Variants in AIFM3 observed in about 807,000 individuals in gnomAD.
AIFM3 encodes the protein apoptosis-inducing factor 3.
Under a neutral mutation model 82.7 loss-of-function variants are expected in AIFM3, and 71 were observed. The observed-to-expected ratio is 0.86, with a 90% CI of 0.71 to 1.05. The LOEUF (loss-of-function observed/expected upper bound fraction) is 1.05, where lower values mean the gene tolerates loss of function less well. Among genes scored for constraint, AIFM3 ranks in the 50% least tolerant of loss-of-function variants. AIFM3 has a pLI of 0.00. For synonymous variants in AIFM3, 337 were observed against 329.1 expected (o/e 1.02, Z -0.26); for missense variants, 748 against 816.7 (o/e 0.92, Z 1.03).
chr22:20,972,176 G>A (rs1465075129), intron 2 of AIFM3, among the ~76,000 whole-genome samples: 7 of 152,134 alleles, frequency 4.6e-5, no homozygotes, highest in African/African-American at 1.2e-4. Context: ...AGGCCGAAGC[G>A]GGTGGATCAC....
At chr22:20,980,155 G>GGAGTA in intron 19 of AIFM3, 31 bp downstream of exon 19, 2 of 1,595,702 alleles carry the variant, frequency 1.3e-6, no homozygotes, top group Non-Finnish European at 8.5e-7. Context: ...CCTGGGGGTG[G>GGAGTA]GAGTAGTTCC....
chr22:20,968,672 C>T (rs540376426), intron 2 of AIFM3, among the ~76,000 whole-genome samples: 151 of 152,146 alleles, frequency 9.9e-4, no homozygotes, highest in Non-Finnish European at 1.9e-3. Context: ...CCCACTTTCC[C>T]TCTTCTCTCC....
At chr22:20,972,923 T>G (rs547838828) in intron 2 of AIFM3, among the ~76,000 whole-genome samples, 47 of 151,912 alleles carry the variant, frequency 3.1e-4, no homozygotes, top group Non-Finnish European at 6.0e-4. Context: ...GGTATGCACA[T>G]GAAGTCCCAG....
In AIFM3 at chr22:20,974,083, G is replaced by T; in HGVS notation, c.376G>T (p.Val126Leu). The T allele has an allele frequency of 6.2e-7, 1 of 1,610,966 alleles. No homozygotes were observed. The highest frequency in any genetic ancestry group is 8.5e-7 in the Non-Finnish European group (1 of 1,179,586). ...LVKGVLSRGR[V>L]RCPWHGACFN... Reference sequence around the variant, plus strand: ...CCCAGGCGTTCTGTCCCGTGGTCGGGTGCGCTGCCCCTGGCACGGCGCCTG... The same window carrying T: ...CCCAGGCGTTCTGTCCCGTGGTCGGTTGCGCTGCCCCTGGCACGGCGCCTG... The change falls in exon 5 of 21, where the codon GTG (valine) becomes TTG (leucine). Residue 126 changes from valine to leucine, a missense_variant. Physicochemically the swap from Val to Leu is conservative, Grantham distance 32. Coordinates refer to ENST00000440238, the MANE Select transcript of AIFM3 (RefSeq NM_001386814.1).
Position 20,974,746 on chromosome 22 carries a change from GCTTCTCCGACCGGAT to G in AIFM3, c.652_666del (p.Phe218_Ile222del), listed in dbSNP as rs1341532716. 1 of 1,613,764 alleles carries G rather than the reference GCTTCTCCGACCGGAT, an allele frequency of 6.2e-7. No individual in the cohort carries two copies. The highest frequency in any genetic ancestry group is 8.5e-7 in the Non-Finnish European group (1 of 1,179,992). Reference sequence around the variant, plus strand: ...TGTGCAGAGACACTGCGGCAGGAGGGCTTCTCCGACCGGATCGTCCTGTGCACGCTAGACCGGCAC... The same window carrying G: ...TGTGCAGAGACACTGCGGCAGGAGGGCGTCCTGTGCACGCTAGACCGGCAC... On this transcript the variant is annotated inframe_deletion, in exon 8 of 21. Coordinates refer to ENST00000440238, the MANE Select transcript of AIFM3 (RefSeq NM_001386814.1).
chr22:20,972,917 T>C (rs1165117316), intron 2 of AIFM3, among the ~76,000 whole-genome samples: 1 of 151,902 alleles, frequency 6.6e-6, no homozygotes, highest in East Asian at 1.9e-4. Flanking sequence ...CGTGGTGGTA[T>C]GCACATGAAG....
In AIFM3 at chr22:20,978,016, T is replaced by G. The variant is rs775179047; in HGVS notation, c.1477+11T>G. 6.2e-6 allele frequency: 10 copies of G among 1,612,964 alleles called. No individual in the cohort carries two copies. In the Admixed American group the frequency reaches 1.7e-4, roughly 27 times the overall value. On this transcript the variant is annotated intron_variant, in intron 16 of 20. Coordinates refer to ENST00000440238, the MANE Select transcript of AIFM3 (RefSeq NM_001386814.1). ...TGGCTCATGCTCAGGGTATGGCCAGTCCCGAGGCACATGGAGGGGTGGGAG... is the reference window on the plus strand; with the variant it reads ...TGGCTCATGCTCAGGGTATGGCCAGGCCCGAGGCACATGGAGGGGTGGGAG...
chr22:20,971,512 C>A (rs1448627284), intron 2 of AIFM3, among the ~76,000 whole-genome samples: 1 of 152,218 alleles, frequency 6.6e-6, no homozygotes, highest in African/African-American at 2.4e-5. Context: ...GAGGCAACTC[C>A]TGAGCCTTGT....
intron 2 of AIFM3, 39 bp downstream of exon 2, chr22:20,968,014 TC>T: frequency 6.3e-7 from 1 of 1,580,526 alleles, no homozygotes; most frequent in South Asian, 1.1e-5. Context: ...TTCTCCTCCC[TC>T]CCCGCCTCCT....
In AIFM3 at chr22:20,974,065, G is replaced by T; in HGVS notation, c.358G>T (p.Val120Phe). Residue 120 changes from valine (V) to phenylalanine (F), a missense_variant and splice_region_variant, in exon 5 of 21, where the codon GTT (valine) becomes TTT (phenylalanine). Physicochemically the swap from Val to Phe is conservative, Grantham distance 50. This residue lies in a region of AIFM3 where 148 missense variants were observed against 134.1 expected (regional missense o/e 1.10). Transcript: ENST00000440238. Reference protein sequence around the residue: ...PHYGAPLVKGVLSRGRVRCPW... With the variant: ...PHYGAPLVKGFLSRGRVRCPW... The stretch of plus-strand genomic sequence containing the variant: ...AGCCTAACACCTCCCCTTCCCAGGC[G>T]TTCTGTCCCGTGGTCGGGTGCGCTG... The T allele has an allele frequency of 6.2e-7, 1 of 1,606,476 alleles. No homozygotes were observed. The highest frequency in any genetic ancestry group is 1.1e-5 in the South Asian group (1 of 89,786).
chr22:20,974,918 C>T, intron 8 of AIFM3, 102 bp downstream of exon 8: 1 of 1,132,530 alleles, frequency 8.8e-7, no homozygotes, highest in Non-Finnish European at 1.3e-6. Context: ...CGGCTGCCCT[C>T]CCTGCTTATG....
upstream of AIFM3, among the ~76,000 whole-genome samples, chr22:20,966,249 CTGAACCAG>C (rs1197903745): frequency 1.5e-4 from 3 of 19,762 alleles, no homozygotes; most frequent in Non-Finnish European, 2.6e-4. Context: ...GCGGGCAGGG[CTGAACCAG>C]GGCTGAAACC....
chr22:20,970,399 A>G (rs1601700606), intron 2 of AIFM3, among the ~76,000 whole-genome samples: 1 of 151,902 alleles, frequency 6.6e-6, no homozygotes, highest in Non-Finnish European at 1.5e-5. Context: ...TGATCCTCCC[A>G]CCTCCTGAGT....
Position 20,979,442 on chromosome 22 carries a change from G to A in AIFM3, c.1576+73G>A, listed in dbSNP as rs1299428517. The A allele has an allele frequency of 4.7e-6, 7 of 1,475,354 alleles. No homozygotes were observed. The South Asian group carries it at 4.8e-5, about 10-fold the overall frequency. 91.4% of individuals were successfully genotyped at this position (1,475,354 alleles called of 1,614,324 possible). The stretch of plus-strand genomic sequence containing the variant: ...CGGGGCTTGGGTGTGGGGCGGGGCT[G>A]GGAGCCTAGGGGCAGGGCTATGACC... On this transcript the variant is annotated intron_variant, in intron 17 of 20. Transcript: ENST00000440238.
chr22:20,973,862 T>A lies in AIFM3; in HGVS notation c.350T>A (p.Val117Glu). 1 of 1,535,134 alleles carries A rather than the reference T, an allele frequency of 6.5e-7. No individual in the cohort carries two copies. Among genetic ancestry groups the A allele is most frequent in the South Asian group, 1.2e-5 (1 of 80,478 alleles). ...TGTCCGCACTACGGCGCACCCCTGG[T>A]GAAAGGTGAGCTGTCAGGTGGGAGG... ...HKCPHYGAPL[V>E]KGVLSRGRVR... The change falls in exon 4 of 21, where the codon GTG becomes GAG. Residue 117 changes from valine to glutamate, a missense_variant. Around this residue, in one of 5 missense-constraint regions of AIFM3, gnomAD observed 148 missense variants for 134.1 expected, o/e 1.10. Transcript: ENST00000440238.
At chr22:20,968,179 G>A (rs1402890893) in intron 2 of AIFM3, among the ~76,000 whole-genome samples, 6 of 152,180 alleles carry the variant, frequency 3.9e-5, no homozygotes, top group Non-Finnish European at 8.8e-5. Flanking sequence ...GCTCCAGTGG[G>A]TGCCCCTTTT....
chr22:20,973,615 C>A, intron 3 of AIFM3, 95 bp downstream of exon 3: 1 of 1,422,648 alleles, frequency 7.0e-7, no homozygotes, highest in Non-Finnish European at 9.5e-7. Flanking sequence ...CCTGAAGGGG[C>A]TATGACCAGC....
chr22:20,976,080 C>A, intron 9 of AIFM3, 135 bp from the exon 10 acceptor site: 1 of 973,746 alleles, frequency 1.0e-6, no homozygotes, highest in Non-Finnish European at 1.6e-6. Flanking sequence ...GAATGAAGCC[C>A]AGGTGGCAGG....
At position 20,967,293 on chromosome 22, in the gene AIFM3, C is replaced by T. The variant is rs1220805977; in HGVS notation, c.-151C>T. On this transcript the variant is annotated 5_prime_UTR_variant, in exon 1 of 21. Transcript: ENST00000440238. ...GCCTGGAACACGGAGCAGTGGCTGC[C>T]CTGCGAGGAGGTGGGTGTCCGGAGT... is the stretch of plus-strand genomic sequence containing the variant. The T allele has an allele frequency of 2.6e-5, 4 of 152,458 alleles. No individual in the cohort carries two copies. Among genetic ancestry groups the T allele is most frequent in the African/African-American group, 9.7e-5 (4 of 41,422 alleles). 9.4% of individuals were successfully genotyped at this position (152,458 alleles called of 1,614,324 possible). A position where few individuals can be genotyped will look rare whatever the true frequency, so the allele number is the denominator to read the frequency against.
Sources: allele counts gnomAD v4.1 joint callset (sites outside exome capture counted in the v4.1 genomes callset), GRCh38; gene constraint gnomAD v4.1.1; regional missense constraint gnomAD v4.1.1; transcripts MANE v1.5; gene names NCBI Gene and HGNC (gene_info 2026-07-23, HGNC 2026-07-21).